The following NOVA1 variants were observed in gnomAD, a reference collection of about 807,000 sequenced individuals.
NOVA1 encodes the protein NOVA alternative splicing regulator 1, also known as RNA-binding protein Nova-1.
In NOVA1, 7 loss-of-function variants were observed where a neutral mutation model predicts 38.0. That is an observed-to-expected ratio of 0.18 (90% CI 0.10 to 0.35). The LOEUF is 0.35. Ranked by LOEUF, NOVA1 falls within the 10% of genes least tolerant of loss-of-function variation. NOVA1 has a pLI of 1.00. For synonymous variants in NOVA1, 270 were observed against 232.5 expected (o/e 1.16, Z -1.47); for missense variants, 460 against 616.0 (o/e 0.75, Z 2.68).
At chr14:26,544,584 T>A (rs188608682) in intron 2 of NOVA1, among the ~76,000 whole-genome samples, 1 of 152,194 alleles carries the variant, frequency 6.6e-6, no homozygotes, top group Admixed American at 6.5e-5. Context: ...AAAGACATTT[T>A]ATATTGGAGG....
chr14:26,534,416 G>C (rs1423990985), intron 2 of NOVA1, among the ~76,000 whole-genome samples: 1 of 151,548 alleles, frequency 6.6e-6, no homozygotes, highest in African/African-American at 2.4e-5. Flanking sequence ...ATATCATGAA[G>C]GAAAACATTT....
In NOVA1 at chr14:26,549,624, T is replaced by C. The variant is rs1174741338; in HGVS notation, c.280+45786A>G. The stretch of plus-strand genomic sequence containing the variant: ...CTTTTAGATGATGTTTCCCAGTTAT[T>C]TGTTATTTTCTCTTATTGGGCTTTC... On this transcript the variant is annotated intron_variant, in intron 2 of 4. Transcript: ENST00000539517. The C allele has an allele frequency of 1.3e-5, 9 of 698,380 alleles. No homozygotes were observed. The East Asian group carries it at 4.1e-4, about 31-fold the overall frequency. The allele number at this position is 698,380 out of a possible 1,614,324, so 43.3% of individuals were successfully genotyped here.
At chr14:26,469,686 C>G (rs573501399) in intron 4 of NOVA1, among the ~76,000 whole-genome samples, 18 of 152,242 alleles carry the variant, frequency 1.2e-4, no homozygotes, top group African/African-American at 4.1e-4. Flanking sequence ...AACTCCTGGC[C>G]TCAGGCACTC....
chr14:26,568,342 A>C (rs931381784), intron 2 of NOVA1: 3 of 152,190 alleles, frequency 2.0e-5, no homozygotes, highest in Non-Finnish European at 4.4e-5. Context: ...TATACAATGT[A>C]CAGCATGGAC....
At chr14:26,499,769 A>C (rs921051514) in intron 2 of NOVA1, among the ~76,000 whole-genome samples, 1 of 152,144 alleles carries the variant, frequency 6.6e-6, no homozygotes, top group African/African-American at 2.4e-5. Context: ...TGAAAAAACA[A>C]ACTCAATCTG....
chr14:26,503,800 T>C (rs562068657), intron 2 of NOVA1, among the ~76,000 whole-genome samples: 1 of 152,062 alleles, frequency 6.6e-6, no homozygotes, highest in Non-Finnish European at 1.5e-5. Flanking sequence ...ATTAAATTTA[T>C]AACGTAGCCC....
Position 26,456,563 on chromosome 14 carries a change from TA to T in NOVA1, c.520-7601del, listed in dbSNP as rs753806497. 5.9e-5 allele frequency among the ~76,000 whole-genome samples: 9 copies of T among 152,142 alleles called. No homozygotes were observed. The East Asian group carries it at 1.3e-3, about 23-fold the overall frequency. ...TAGAGCAGCAAAACTGATCATCAAGTAAAAAATAAACCAAATATAAATCAGG... is the reference window on the plus strand; with the variant it reads ...TAGAGCAGCAAAACTGATCATCAAGTAAAAATAAACCAAATATAAATCAGG... On this transcript the variant is annotated intron_variant, in intron 4 of 4. Coordinates refer to ENST00000539517, the MANE Select transcript of NOVA1 (RefSeq NM_002515.3).
Position 26,448,717 on chromosome 14 carries a change from C to A in NOVA1, c.766G>T (p.Ala256Ser). 8 of 1,614,204 alleles carry A rather than the reference C, an allele frequency of 5.0e-6. No individual in the cohort carries two copies. The highest frequency in any genetic ancestry group is 5.9e-6 in the Non-Finnish European group (7 of 1,180,038). ...QSGSCLNISY[A>S]NVTGPVANSN... ...TTTGCCACTGGACCTGTCACATTGG[C>A]ATAACTGATATTGAGACAGCTGCCA... The change falls in exon 5 of 5, where the codon GCC (alanine) becomes TCC (serine). Residue 256 changes from alanine to serine, a missense_variant. Ala to Ser is a moderately conservative substitution (Grantham distance 99). Coordinates refer to ENST00000539517, the MANE Select transcript of NOVA1 (RefSeq NM_002515.3). The surrounding 1 kb of genome is among the most constrained non-coding windows in gnomAD (Gnocchi z 5.3).
chr14:26,597,253 G>A (rs1894255585), intron 1 of NOVA1, 48 bp downstream of exon 1: 2 of 1,217,044 alleles, frequency 1.6e-6, no homozygotes, highest in African/African-American at 1.6e-5. Context: ...GGAGGCAGGG[G>A]CGGGCGGCGG....
intron 2 of NOVA1, among the ~76,000 whole-genome samples, chr14:26,571,960 C>CA (rs1892508559): frequency 6.6e-6 from 1 of 152,166 alleles, no homozygotes; most frequent in East Asian, 1.9e-4. Context: ...GCATAGACTA[C>CA]AACAGCTTCC....
chr14:26,478,655 C>T (rs946961697), intron 3 of NOVA1, among the ~76,000 whole-genome samples: 2 of 151,794 alleles, frequency 1.3e-5, no homozygotes, highest in African/African-American at 2.4e-5. Context: ...AAAAAATAAA[C>T]ACAACTATAA....
intron 2 of NOVA1, among the ~76,000 whole-genome samples, chr14:26,531,446 A>G (rs1299393217): frequency 2.6e-5 from 4 of 152,114 alleles, no homozygotes; most frequent in Non-Finnish European, 4.4e-5. Context: ...CGTCTCTACT[A>G]AAAATACAAA....
chr14:26,546,264 T>A (rs934793847), intron 2 of NOVA1, among the ~76,000 whole-genome samples: 2 of 152,078 alleles, frequency 1.3e-5, no homozygotes, highest in Admixed American at 1.3e-4. Context: ...TATTGACCAC[T>A]TAGGATAAAA....
At chr14:26,478,771 A>G (rs1428709778) in intron 3 of NOVA1, among the ~76,000 whole-genome samples, 1 of 151,984 alleles carries the variant, frequency 6.6e-6, no homozygotes, top group Admixed American at 6.6e-5. Flanking sequence ...TGAAGGGTAT[A>G]AACTGAACCA....
chr14:26,458,978 CTAAT>C (rs957555422), intron 4 of NOVA1, among the ~76,000 whole-genome samples: 19 of 151,926 alleles, frequency 1.3e-4, no homozygotes, highest in South Asian at 6.2e-4. Context: ...TAACCTAAGG[CTAAT>C]TATTAAAGAA....
At chr14:26,596,653 T>C in intron 1 of NOVA1, 1 of 1,289,116 alleles carries the variant, frequency 7.8e-7, no homozygotes, top group South Asian at 1.2e-5. Flanking sequence ...TTAAAACTCA[T>C]CTTCCAAGGA....
At chr14:26,596,777 C>A (rs912364121) in intron 1 of NOVA1, 2 of 1,209,190 alleles carry the variant, frequency 1.7e-6, no homozygotes, top group Non-Finnish European at 2.1e-6. Context: ...GCGGTAAGGG[C>A]ATGCACTCAT....
intron 2 of NOVA1, among the ~76,000 whole-genome samples, chr14:26,527,072 G>C (rs1398914060): frequency 1.0e-5 from 1 of 98,220 alleles, no homozygotes; most frequent in African/African-American, 4.0e-5. Context: ...CACTGCAGCT[G>C]TGTGGCCCCA....
At chr14:26,541,243 T>A (rs1353972315) in intron 2 of NOVA1, among the ~76,000 whole-genome samples, 2 of 152,062 alleles carry the variant, frequency 1.3e-5, no homozygotes, top group Non-Finnish European at 2.9e-5. Context: ...AAACCAAGTA[T>A]CAATTGATGG....
Sources: gnomAD v4.1 joint callset for allele counts (sites outside exome capture counted in the v4.1 genomes callset) on GRCh38, gnomAD v4.1.1 for gene constraint, Gnocchi (gnomAD v3.1) non-coding constraint, MANE v1.5 for transcripts, NCBI Gene and HGNC (gene_info 2026-07-23, HGNC 2026-07-21) for gene names.